The following ERC2 variants were observed in gnomAD, a reference collection of about 807,000 sequenced individuals.
ERC2 encodes the protein ERC protein 2.
A neutral mutation model predicts 114.8 loss-of-function variants in ERC2; 42 were observed. That is an observed-to-expected ratio of 0.37 (90% confidence interval 0.29 to 0.47). The LOEUF (loss-of-function observed/expected upper bound fraction) is 0.47, where lower values mean the gene tolerates loss of function less well. Among genes scored for constraint, ERC2 ranks in the 20% least tolerant of loss-of-function variants. The pLI is 0.99. For synonymous variants in ERC2, 454 were observed against 425.5 expected (o/e 1.07, Z -0.82); for missense variants, 939 against 1,150.7 (o/e 0.82, Z 2.66).
At chr3:56,173,781 C>A (rs9311598) in intron 3 of ERC2, 1 of 454,882 alleles carries the variant, frequency 2.2e-6, no homozygotes, top group Non-Finnish European at 3.9e-6. Context: ...AGCAAGTAAT[C>A]ATAGTCCAAA....
chr3:55,622,449 A>G (rs1348233962), intron 17 of ERC2, among the ~76,000 whole-genome samples: 2 of 152,192 alleles, frequency 1.3e-5, no homozygotes, highest in Non-Finnish European at 2.9e-5. Flanking sequence ...GACCAAAGGA[A>G]AAAAAATAAA....
chr3:56,150,703 T>A (rs1014703143), intron 4 of ERC2, among the ~76,000 whole-genome samples: 2 of 152,206 alleles, frequency 1.3e-5, no homozygotes, highest in Admixed American at 6.5e-5. Flanking sequence ...AATGTTTTCA[T>A]GTATATTCTG....
chr3:55,577,309 A>G (rs1306717971), intron 17 of ERC2, among the ~76,000 whole-genome samples: 2 of 152,228 alleles, frequency 1.3e-5, no homozygotes, highest in South Asian at 2.1e-4. Flanking sequence ...GTGAAAGAAA[A>G]TTTATGCCAG....
chr3:56,150,230 T>C (rs758626613), intron 4 of ERC2, among the ~76,000 whole-genome samples: 11 of 152,198 alleles, frequency 7.2e-5, no homozygotes, highest in Non-Finnish European at 1.6e-4. Context: ...AGACAATGAA[T>C]AGGCTATTCT....
At chr3:56,245,575 T>C (rs2051633584) in intron 3 of ERC2, among the ~76,000 whole-genome samples, 1 of 152,024 alleles carries the variant, frequency 6.6e-6, no homozygotes, top group Non-Finnish European at 1.5e-5. Flanking sequence ...TATTATTTTT[T>C]TTTTTGAGAC....
At chr3:55,526,792 C>T (rs1355934441) in intron 17 of ERC2, among the ~76,000 whole-genome samples, 2 of 152,212 alleles carry the variant, frequency 1.3e-5, no homozygotes, top group African/African-American at 2.4e-5. Flanking sequence ...GGTGCACAAT[C>T]GCTGTGCTTG....
At chr3:55,806,769 A>G (rs2059509223) in intron 14 of ERC2, among the ~76,000 whole-genome samples, 1 of 152,188 alleles carries the variant, frequency 6.6e-6, no homozygotes, top group South Asian at 2.1e-4. Flanking sequence ...TTTGAAGGCC[A>G]ACACACCTGA....
rs532578489 is a variant in ERC2 at position 55,801,404 on chromosome 3, T to C, written c.2565-66486A>G. On this transcript the variant is annotated intron_variant, in intron 14 of 17. Transcript: ENST00000288221. ...GGGAGAAAGAGGTCCAAGAGGGATG[T>C]GAAAAGTCAGGTGCATGCTTCTTCT... Among the ~76,000 whole-genome samples, 87 of 152,296 alleles carry C rather than the reference T, an allele frequency of 5.7e-4. 3 individuals carry two copies. The South Asian group carries it at 0.018, about 31-fold the overall frequency.
intron 2 of ERC2, among the ~76,000 whole-genome samples, chr3:56,420,719 A>G (rs1237977663): frequency 6.6e-6 from 1 of 150,602 alleles, no homozygotes; most frequent in Admixed American, 6.6e-5. Context: ...CCCCGTCTCT[A>G]CTAAAAATAC....
intron 14 of ERC2, among the ~76,000 whole-genome samples, chr3:55,830,821 G>A (rs1232123675): frequency 6.6e-6 from 1 of 151,970 alleles, no homozygotes; most frequent in Non-Finnish European, 1.5e-5. Context: ...CTATGTGCCT[G>A]TAGCCTCAGC....
chr3:56,263,943 A>G (rs1347328589), intron 3 of ERC2, among the ~76,000 whole-genome samples: 1 of 152,218 alleles, frequency 6.6e-6, no homozygotes, highest in Non-Finnish European at 1.5e-5. Flanking sequence ...AATACATCAA[A>G]TTATTATACA....
intron 7 of ERC2, among the ~76,000 whole-genome samples, chr3:56,047,302 C>T (rs1362426644): frequency 3.3e-5 from 5 of 152,210 alleles, no homozygotes; most frequent in Non-Finnish European, 7.3e-5. Context: ...TCCTTTAATA[C>T]CACTGGATCC....
chr3:56,228,306 C>T (rs913847976), intron 3 of ERC2, among the ~76,000 whole-genome samples: 11 of 152,172 alleles, frequency 7.2e-5, no homozygotes, highest in Admixed American at 2.0e-4. Flanking sequence ...CATCCATCTC[C>T]GGAACTTCCC....
chr3:56,037,755 A>G (rs2074897631), intron 7 of ERC2, among the ~76,000 whole-genome samples: 1 of 152,168 alleles, frequency 6.6e-6, no homozygotes, highest in Non-Finnish European at 1.5e-5. Context: ...GAATCATCAG[A>G]TTCTCCAAGG....
rs72879169 is a variant in ERC2, at chr3:55,910,529, C to T, written c.2404-21980G>A. The stretch of plus-strand genomic sequence containing the variant: ...AACTCTGCTGGAAATGAGAGATAAA[C>T]CAAATATTCTAGGGGTTTCCCTAAG... On this transcript the variant is annotated intron_variant, in intron 13 of 17. Transcript: ENST00000288221. Among the ~76,000 whole-genome samples, 772 of 152,170 alleles carry T rather than the reference C, an allele frequency of 5.1e-3. 8 individuals carry two copies. The highest frequency in any genetic ancestry group is 0.016 in the African/African-American group (685 of 41,530).
chr3:55,997,075 G>T (rs191236860), intron 10 of ERC2, among the ~76,000 whole-genome samples: 4 of 152,156 alleles, frequency 2.6e-5, no homozygotes, highest in Admixed American at 6.5e-5. Context: ...GTGAAACAAG[G>T]CAGGGAACAT....
chr3:55,629,699 T>A (rs889731048), intron 17 of ERC2, among the ~76,000 whole-genome samples: 4 of 152,204 alleles, frequency 2.6e-5, no homozygotes, highest in African/African-American at 9.7e-5. Flanking sequence ...AAGGTACTTC[T>A]CATGAATAGA....
intron 15 of ERC2, among the ~76,000 whole-genome samples, chr3:55,729,837 CAAAAAAAAAAAAAAA>C (rs71096498): frequency 1.6e-5 from 1 of 61,630 alleles, no homozygotes. Context: ...GACTCTATCG[CAAAAAAAAAAAAAAA>C]AAAAAAAAAA....
intron 4 of ERC2, among the ~76,000 whole-genome samples, chr3:56,161,093 C>T (rs982908380): frequency 3.3e-5 from 5 of 152,148 alleles, no homozygotes; most frequent in Non-Finnish European, 5.9e-5. Context: ...TAAGTGAATT[C>T]TTGCTCAGTT....
Sources: allele counts gnomAD v4.1 joint callset (sites outside exome capture counted in the v4.1 genomes callset), GRCh38; gene constraint gnomAD v4.1.1; transcripts MANE v1.5; gene names NCBI Gene and HGNC (gene_info 2026-07-23, HGNC 2026-07-21).